The following SMC3 variants were observed in gnomAD, a reference collection of about 807,000 sequenced individuals.
SMC3 encodes structural maintenance of chromosomes 3, also known as structural maintenance of chromosomes protein 3.
SMC3 carries 20 observed loss-of-function variants against 171.8 expected under a neutral mutation model. The observed-to-expected ratio is 0.12, with a 90% CI of 0.08 to 0.17. SMC3 has a LOEUF of 0.17. Among genes scored for constraint, SMC3 ranks in the 10% least tolerant of loss-of-function variants. The probability of loss-of-function intolerance (pLI) is 1.00; values close to 1 mark genes in which losing one functional copy is unlikely to be tolerated. For synonymous variants in SMC3, 464 were observed against 451.1 expected, an observed-to-expected ratio of 1.03 and a Z score of -0.36; for missense variants, 543 against 1,420.4, an observed-to-expected ratio of 0.38 and a Z score of 9.93.
chr10:110,579,547 T>C (rs1245262770), intron 7 of SMC3, among the ~76,000 whole-genome samples: 1 of 152,164 alleles, frequency 6.6e-6, no homozygotes, highest in Non-Finnish European at 1.5e-5. Context: ...CTCAACCCTA[T>C]GTGCTTTATT....
intron 2 of SMC3, among the ~76,000 whole-genome samples, chr10:110,572,361 G>A (rs931256524): frequency 6.6e-6 from 1 of 152,148 alleles, no homozygotes; most frequent in African/African-American, 2.4e-5. Context: ...GTTCTTGATA[G>A]CATTTTTCCC....
At chr10:110,598,968 G>A (rs1861344128) in intron 20 of SMC3, among the ~76,000 whole-genome samples, 1 of 151,216 alleles carries the variant, frequency 6.6e-6, no homozygotes, top group South Asian at 2.1e-4. Flanking sequence ...AAGTGATAGT[G>A]TGTTATTGGT....
chr10:110,605,893 G>A lies in SMC3; in HGVS notation c.*1591G>A, dbSNP rs1316196760. Among the ~76,000 whole-genome samples, 3 of 152,168 alleles carry A rather than the reference G, an allele frequency of 2.0e-5. No homozygotes were observed. The highest frequency in any genetic ancestry group is 7.2e-5 in the African/African-American group (3 of 41,436). On this transcript the variant is annotated 3_prime_UTR_variant, in exon 29 of 29. Transcript: ENST00000361804. The stretch of plus-strand genomic sequence containing the variant: ...AACCCCTTATAATACAGAATTTGGT[G>A]TAAGGTAAGTTCCAGGATTCAATTC...
At chr10:110,593,046 T>C in intron 17 of SMC3, 27 bp from the exon 18 acceptor site, 1 of 1,593,512 alleles carries the variant, frequency 6.3e-7, no homozygotes, top group Non-Finnish European at 8.6e-7. Flanking sequence ...TGTTGTGATC[T>C]CTCTGTTGAC....
At chr10:110,579,455 G>C (rs1236020244) in intron 7 of SMC3, among the ~76,000 whole-genome samples, 1 of 152,130 alleles carries the variant, frequency 6.6e-6, no homozygotes, top group Non-Finnish European at 1.5e-5. Context: ...TCCGTCTGCT[G>C]TCAATCTAGG....
rs80031402 is a variant in SMC3 at position 110,599,889 on chromosome 10, G to A, written c.2427+77G>A. The A allele has an allele frequency of 5.0e-3, 6,453 of 1,300,056 alleles. 194 individuals are homozygous for A. The African/African-American group carries it at 0.071, about 14-fold the overall frequency. 80.5% of individuals were successfully genotyped at this position (1,300,056 alleles called of 1,614,324 possible). On this transcript the variant is annotated intron_variant, in intron 21 of 28. Transcript: ENST00000361804. Reference sequence around the variant, plus strand: ...AAAAGGGCCTTTCTTGCTAACTAGGGCAATATGAAAGAAAAGAACTGAGAA... The same window carrying A: ...AAAAGGGCCTTTCTTGCTAACTAGGACAATATGAAAGAAAAGAACTGAGAA...
At chr10:110,594,173 C>G (rs1179937775) in intron 18 of SMC3, among the ~76,000 whole-genome samples, 1 of 150,582 alleles carries the variant, frequency 6.6e-6, no homozygotes, top group Non-Finnish European at 1.5e-5. Context: ...GCATATGGAT[C>G]CTTCACAATT....
rs1861434934 is a variant in SMC3 at position 110,604,299 on chromosome 10, T to C, written c.3651T>C (p.Gly1217=). 7.5e-6 allele frequency: 12 copies of C among 1,604,654 alleles called. No individual in the cohort carries two copies. The East Asian group carries it at 2.7e-4, about 36-fold the overall frequency. The part of the protein sequence containing the change: ...KDFVEDDTTH[G] ...TTGTAGAAGATGATACCACACATGGTTAATTGGAAAATACTACCTACTGGT... is the reference window on the plus strand; with the variant it reads ...TTGTAGAAGATGATACCACACATGGCTAATTGGAAAATACTACCTACTGGT... The change falls in exon 29 of 29, where the codon GGT becomes GGC. Residue 1217 remains glycine (G), a synonymous_variant. Coordinates refer to ENST00000361804, the MANE Select transcript of SMC3 (RefSeq NM_005445.4).
intron 9 of SMC3, 35 bp downstream of exon 9, chr10:110,582,133 T>A (rs759487784): frequency 1.9e-6 from 3 of 1,565,320 alleles, no homozygotes; most frequent in Admixed American, 1.7e-5. Flanking sequence ...AAAATCAGAT[T>A]AATTTTGTTT....
chr10:110,584,474 C>T (rs2134727995), intron 13 of SMC3, 78 bp downstream of exon 13: 1 of 1,017,484 alleles, frequency 9.8e-7, no homozygotes, highest in South Asian at 1.4e-5. Context: ...TTCAAGTTTT[C>T]TTTTTAAATA....
In SMC3 at chr10:110,581,216, CT is replaced by C. The variant is rs59798192; in HGVS notation, c.547+214del. The stretch of plus-strand genomic sequence containing the variant: ...AAAATATTGTGGAAACGCACACTGA[CT>C]TTTTTTTTTTTTTTTTTTGAGATGG... On this transcript the variant is annotated intron_variant, in intron 8 of 28. Coordinates refer to ENST00000361804, the MANE Select transcript of SMC3 (RefSeq NM_005445.4). Among the ~76,000 whole-genome samples the C allele has an allele frequency of 0.79, 81,549 of 102,932 alleles. 31,544 individuals are homozygous for C. The highest frequency in any genetic ancestry group is 0.81 in the Non-Finnish European group (40,001 of 49,360). 67.5% of individuals were successfully genotyped at this position (102,932 alleles called of 152,430 possible). A position where few individuals can be genotyped will look rare whatever the true frequency, so the allele number is the denominator to read the frequency against.
At chr10:110,578,216 G>A (rs1241736529) in intron 6 of SMC3, among the ~76,000 whole-genome samples, 1 of 152,162 alleles carries the variant, frequency 6.6e-6, no homozygotes, top group Non-Finnish European at 1.5e-5. Context: ...TGGGATTGCA[G>A]GCAGTCACCA....
chr10:110,594,230 C>T (rs1160300800), intron 18 of SMC3, among the ~76,000 whole-genome samples: 2 of 150,856 alleles, frequency 1.3e-5, no homozygotes, highest in Non-Finnish European at 2.9e-5. Flanking sequence ...TTTTCCACAA[C>T]AAAAGCCACA....
At position 110,591,041 on chromosome 10, in the gene SMC3, T is replaced by C. The variant is rs1314834961; in HGVS notation, c.1721T>C (p.Met574Thr). ...GATGAAGTCAGCACGAAGATTTTAATGGAGTTTAATAAAATGAATCTTCCT... is the reference window on the plus strand; with the variant it reads ...GATGAAGTCAGCACGAAGATTTTAACGGAGTTTAATAAAATGAATCTTCCT... ...DSDEVSTKIL[M>T]EFNKMNLPGE... Residue 574 changes from methionine to threonine, a missense_variant, in exon 17 of 29, where the codon ATG becomes ACG. Physicochemically the swap from Met to Thr is moderately conservative, Grantham distance 81 (BLOSUM62 -1). Transcript: ENST00000361804. 6.2e-7 allele frequency: 1 copy of C among 1,613,340 alleles called. No homozygotes were observed. Among genetic ancestry groups the C allele is most frequent in the South Asian group, 1.1e-5 (1 of 91,058 alleles).
At chr10:110,583,238 G>T (rs1861059082) in intron 10 of SMC3, 146 bp from the exon 11 acceptor site, 9 of 693,384 alleles carry the variant, frequency 1.3e-5, no homozygotes, top group Non-Finnish European at 2.2e-5. Context: ...CAGAATTATG[G>T]AATGATTACA....
In SMC3 at chr10:110,590,067, T is replaced by G. The variant is rs1590561507; in HGVS notation, c.1509+76T>G. 5.4e-6 allele frequency: 7 copies of G among 1,304,738 alleles called. No individual in the cohort carries two copies. The Middle Eastern group carries it at 7.3e-4, about 135-fold the overall frequency. 80.8% of individuals were successfully genotyped at this position (1,304,738 alleles called of 1,614,324 possible). ...TCGTTATGTAATAATTTTTTACCTT[T>G]CAAGGTGTAGGTCATGGGTTCCAAG... is the stretch of plus-strand genomic sequence containing the variant. On this transcript the variant is annotated intron_variant, in intron 15 of 28. Transcript: ENST00000361804.
At chr10:110,586,429 A>G (rs1326104834) in intron 13 of SMC3, among the ~76,000 whole-genome samples, 9 of 152,328 alleles carry the variant, frequency 5.9e-5, no homozygotes, top group African/African-American at 2.2e-4. Flanking sequence ...ACTGATAGTT[A>G]ACACCTCCTT....
chr10:110,587,706 A>AAG (rs1491169805), intron 13 of SMC3, among the ~76,000 whole-genome samples: 3 of 150,414 alleles, frequency 2.0e-5, no homozygotes, highest in African/African-American at 7.4e-5. Context: ...AAAAAAAAAA[A>AAG]GAAATATTGT....
chr10:110,586,541 A>G (rs1165856424), intron 13 of SMC3, among the ~76,000 whole-genome samples: 2 of 152,204 alleles, frequency 1.3e-5, no homozygotes, highest in Admixed American at 6.5e-5. Context: ...ATTTTTTGTC[A>G]TGCTTGAAGT....
Sources: gnomAD v4.1 joint callset for allele counts (sites outside exome capture counted in the v4.1 genomes callset) on GRCh38, gnomAD v4.1.1 for gene constraint, MANE v1.5 for transcripts, NCBI Gene and HGNC (gene_info 2026-07-23, HGNC 2026-07-21) for gene names.